Variants in NCAN observed in about 807,000 individuals in gnomAD.
The protein encoded by NCAN is neurocan, also known as neurocan core protein.
Under a neutral mutation model 121.8 loss-of-function variants are expected in NCAN, and 47 were observed. That is an observed-to-expected ratio of 0.39 (90% CI 0.31 to 0.49). The LOEUF is 0.49. NCAN is among the 20% of genes least tolerant of loss of function. The pLI, the probability that NCAN is intolerant of heterozygous loss-of-function variation, is 0.92. For synonymous variants in NCAN, 633 were observed against 702.0 expected, an observed-to-expected ratio of 0.90 and a Z score of 1.55; for missense variants, 1,517 against 1,773.4, an observed-to-expected ratio of 0.86 and a Z score of 2.60.
chr19:19,241,631 A>G lies in NCAN; in HGVS notation c.3492+946A>G, dbSNP rs547710791. On this transcript the variant is annotated intron_variant, in intron 12 of 14. Transcript: ENST00000252575. ...GCGGGAGGATCACTTAAGCCTAGGAATTGGAATCCAGCCTGGGCAACACAG... is the reference window on the plus strand; with the variant it reads ...GCGGGAGGATCACTTAAGCCTAGGAGTTGGAATCCAGCCTGGGCAACACAG... Among the ~76,000 whole-genome samples the G allele has an allele frequency of 9.4e-4, 143 of 152,052 alleles. 1 individual carries two copies. The highest frequency in any genetic ancestry group is 3.2e-3 in the African/African-American group (134 of 41,484).
rs915148391 is a variant in NCAN, at chr19:19,228,141, A to T, written c.2521A>T (p.Ser841Cys). ...AGTCACGCCGGCCCCCAGTGATGCT[A>T]GTGGAATTTGGGAACCTGGATCCCA... is the stretch of plus-strand genomic sequence containing the variant. ...STVTPAPSDA[S>C]GIWEPGSQVF... is the part of the protein sequence containing the mutation. Residue 841 changes from serine to cysteine, a missense_variant, in exon 8 of 15, where the codon AGT becomes TGT. Transcript: ENST00000252575. 5.6e-6 allele frequency: 9 copies of T among 1,613,596 alleles called. No individual in the cohort carries two copies. In the African/African-American group the frequency reaches 1.1e-4, roughly 19 times the overall value.
At chr19:19,219,672 CAA>C (rs56231208) in intron 3 of NCAN, among the ~76,000 whole-genome samples, 46 of 49,252 alleles carry the variant, frequency 9.3e-4, no homozygotes, top group South Asian at 1.1e-3. Flanking sequence ...GACCCTGTCA[CAA>C]AAAAAAAAAA....
intron 12 of NCAN, among the ~76,000 whole-genome samples, chr19:19,244,068 T>C (rs994081334): frequency 2.6e-5 from 4 of 152,136 alleles, no homozygotes; most frequent in Non-Finnish European, 5.9e-5. Context: ...AGGAATTATG[T>C]GCTATATATA....
rs775283439 is a variant in NCAN, at chr19:19,225,254, C to T, written c.1056C>T (p.Asp352=). 3.2e-6 allele frequency: 5 copies of T among 1,549,168 alleles called. No individual in the cohort carries two copies. Among genetic ancestry groups the T allele is most frequent in the Non-Finnish European group, 3.4e-6 (4 of 1,159,988 alleles). The change falls in exon 6 of 15, where the codon GAC becomes GAT. Residue 352 remains aspartate, a synonymous_variant. Transcript: ENST00000252575. This position sits in a 1 kb window ranked among gnomAD's most constrained non-coding sequence, Gnocchi z 4.0. ...TCCCCTCACCCGCCGAGCGCTTCGA[C>T]GCCTACTGCTTCCGAGGTGCGTGCG... ...TGFPSPAERF[D]AYCFRAHHPT...
At chr19:19,246,287 C>G (rs1313783268) in intron 13 of NCAN, among the ~76,000 whole-genome samples, 1 of 151,992 alleles carries the variant, frequency 6.6e-6, no homozygotes, top group East Asian at 1.9e-4. Context: ...ATCCACCCAC[C>G]TCGGCCTCCC....
At chr19:19,239,493 C>G (rs1478025735) in intron 11 of NCAN, among the ~76,000 whole-genome samples, 1 of 133,910 alleles carries the variant, frequency 7.5e-6, no homozygotes, top group Non-Finnish European at 1.6e-5. Context: ...CCTCCTCCCT[C>G]CTACTCCTCC....
chr19:19,212,550 T>C lies in NCAN; in HGVS notation c.-8+486T>C, dbSNP rs925886718. On this transcript the variant is annotated intron_variant, in intron 1 of 14. Transcript: ENST00000252575. The surrounding 1 kb of genome is among the most constrained non-coding windows in gnomAD (Gnocchi z 4.5). Reference sequence around the variant, plus strand: ...CTGCAGTGGGGAGGGGGCCCCCAGATCACCCTGTGCCCAATGGAAGGGTAT... The same window carrying C: ...CTGCAGTGGGGAGGGGGCCCCCAGACCACCCTGTGCCCAATGGAAGGGTAT... 5.3e-5 allele frequency among the ~76,000 whole-genome samples: 8 copies of C among 152,246 alleles called. No individual in the cohort carries two copies. The highest frequency in any genetic ancestry group is 4.4e-5 in the Non-Finnish European group (3 of 67,992).
chr19:19,250,003 C>T lies in NCAN; in HGVS notation c.*92C>T. On this transcript the variant is annotated 3_prime_UTR_variant, in exon 15 of 15. Transcript: ENST00000252575. ...AGAACCCAGAGAGAAACAAGAGAGT[C>T]CAGAAGTCCCTGAACCCCAAACCAC... The T allele has an allele frequency of 1.5e-6, 2 of 1,352,710 alleles. No individual in the cohort carries two copies. The highest frequency in any genetic ancestry group is 2.1e-6 in the Non-Finnish European group (2 of 966,578). 83.8% of individuals were successfully genotyped at this position (1,352,710 alleles called of 1,614,324 possible). A position where few individuals can be genotyped will look rare whatever the true frequency, so the allele number is the denominator to read the frequency against.
At position 19,227,806 on chromosome 19, in the gene NCAN, CT is replaced by C; in HGVS notation, c.2187del (p.Val730Ter). ...CACTCCAGCTCCAGCCCATGGCCTT[CT>C]GTAAACAGGAATGTGGCTGTAGGTT... Reference protein sequence around the residue: ...AEHSSSSPWPSVNRNVAVGFV... With the variant: ...AEHSSSSPWPXVNRNVAVGFV... On this transcript the variant is annotated frameshift_variant, in exon 8 of 15. Transcript: ENST00000252575. LOFTEE classifies it high-confidence loss of function. The surrounding 1 kb of genome is among the most constrained non-coding windows in gnomAD (Gnocchi z 4.2). 6.2e-7 allele frequency: 1 copy of C among 1,613,716 alleles called. No individual in the cohort carries two copies.
chr19:19,247,063 T>TC (rs940480167), intron 13 of NCAN, among the ~76,000 whole-genome samples: 10 of 151,948 alleles, frequency 6.6e-5, no homozygotes, highest in East Asian at 5.8e-4. Flanking sequence ...TTTCACATCC[T>TC]CCCCCCCATT....
At position 19,233,816 on chromosome 19, in the gene NCAN, C is replaced by G. The variant is rs769965017; in HGVS notation, c.3047C>G (p.Pro1016Arg). ...EVHSDPCENNPCLHGGTCNAN... is the reference protein window; with the variant it reads ...EVHSDPCENNRCLHGGTCNAN... The stretch of plus-strand genomic sequence containing the variant: ...CACTCAGATCCCTGTGAGAACAACC[C>G]TTGTCTTCATGGAGGGACATGTAAT... The change falls in exon 9 of 15, where the codon CCT becomes CGT. Residue 1016 changes from proline to arginine, a missense_variant. Pro to Arg is a moderately radical substitution (Grantham distance 103). Transcript: ENST00000252575. 5 of 1,613,656 alleles carry G rather than the reference C, an allele frequency of 3.1e-6. No homozygotes were observed. The South Asian group carries it at 5.5e-5, about 18-fold the overall frequency.
intron 13 of NCAN, among the ~76,000 whole-genome samples, chr19:19,246,546 T>A (rs1220190510): frequency 1.3e-5 from 2 of 152,100 alleles, no homozygotes; most frequent in African/African-American, 4.8e-5. Context: ...TTTTGTTTGT[T>A]TGTTTGAGAT....
chr19:19,214,391 T>C (rs1387626086), intron 1 of NCAN, among the ~76,000 whole-genome samples: 1 of 152,094 alleles, frequency 6.6e-6, no homozygotes, highest in African/African-American at 2.4e-5. Flanking sequence ...GGAGGTATTT[T>C]AAGAGAAGGG....
Position 19,227,076 on chromosome 19 carries a change from G to A in NCAN, c.1660+3G>A. 6.6e-7 allele frequency: 1 copy of A among 1,508,122 alleles called. No homozygotes were observed. The highest frequency in any genetic ancestry group is 8.8e-7 in the Non-Finnish European group (1 of 1,130,022). The allele number at this position is 1,508,122 out of a possible 1,614,324, so 93.4% of individuals were successfully genotyped here. On this transcript the variant is annotated splice_donor_region_variant and intron_variant, in intron 7 of 14. Transcript: ENST00000252575. This position sits in a 1 kb window ranked among gnomAD's most constrained non-coding sequence, Gnocchi z 4.2. Reference sequence around the variant, plus strand: ...TGAGGTGGATATGCCTGGAGCTGGTGAGTTGCTCTGGGGGAGGCGGGACCT... The same window carrying A: ...TGAGGTGGATATGCCTGGAGCTGGTAAGTTGCTCTGGGGGAGGCGGGACCT...
Position 19,226,535 on chromosome 19 carries a change from G to C in NCAN, c.1122G>C (p.Gly374=). 1 of 1,611,364 alleles carries C rather than the reference G, an allele frequency of 6.2e-7. No homozygotes were observed. Among genetic ancestry groups the C allele is most frequent in the Non-Finnish European group, 8.5e-7 (1 of 1,177,876 alleles). ...GAGACCTAGAGACCCCATCCTCTGGGGATGAGGGGGAGATTCTGTCAGCAG... is the reference window on the plus strand; with the variant it reads ...GAGACCTAGAGACCCCATCCTCTGGCGATGAGGGGGAGATTCTGTCAGCAG... The part of the protein sequence containing the change: ...QHGDLETPSS[G]DEGEILSAEG... The change falls in exon 7 of 15, where the codon GGG becomes GGC. Residue 374 remains glycine (G), a synonymous_variant. Coordinates refer to ENST00000252575, the MANE Select transcript of NCAN (RefSeq NM_004386.3).
chr19:19,224,323 C>A lies in NCAN; in HGVS notation c.668C>A (p.Ser223Tyr). 1 of 1,614,006 alleles carries A rather than the reference C, an allele frequency of 6.2e-7. No individual in the cohort carries two copies. Among genetic ancestry groups the A allele is most frequent in the Non-Finnish European group, 8.5e-7 (1 of 1,179,948 alleles). The stretch of plus-strand genomic sequence containing the variant: ...GTTGTCAGGTATCCTATCACCCAGT[C>A]CCGTCCTGGTTGCTATGGCGACCGT... ...DRTVRYPITQ[S>Y]RPGCYGDRSS... The change falls in exon 5 of 15, where the codon TCC becomes TAC. Residue 223 changes from serine (S) to tyrosine (Y), a missense_variant. Physicochemically the swap from Ser to Tyr is moderately radical, Grantham distance 144. Transcript: ENST00000252575.
intron 3 of NCAN, among the ~76,000 whole-genome samples, chr19:19,220,498 C>G (rs1365344766): frequency 4.8e-5 from 6 of 125,546 alleles, no homozygotes; most frequent in Non-Finnish European, 9.5e-5. Flanking sequence ...CGCTCTGTCT[C>G]CCAGGCTGGA....
At chr19:19,220,447 ATTCTTTTT>A (rs1157079462) in intron 3 of NCAN, among the ~76,000 whole-genome samples, 1 of 108,730 alleles carries the variant, frequency 9.2e-6, no homozygotes, top group Non-Finnish European at 1.9e-5. Flanking sequence ...TGTTTAGGCA[ATTCTTTTT>A]TTTTTTTTTT....
chr19:19,236,437 GT>G (rs2060881462), intron 10 of NCAN, among the ~76,000 whole-genome samples: 1 of 152,098 alleles, frequency 6.6e-6, no homozygotes, highest in Admixed American at 6.6e-5. Flanking sequence ...TATTTGGGTT[GT>G]TTCCTCCAGA....
Sources: gnomAD v4.1 joint callset for allele counts (sites outside exome capture counted in the v4.1 genomes callset) on GRCh38, gnomAD v4.1.1 for gene constraint, Gnocchi (gnomAD v3.1) non-coding constraint, MANE v1.5 for transcripts, NCBI Gene and HGNC (gene_info 2026-07-23, HGNC 2026-07-21) for gene names.